Variants in ERG observed in about 807,000 individuals in gnomAD.
The protein encoded by ERG is ETS transcription factor ERG, also known as transcriptional regulator ERG.
Under a neutral mutation model 55.3 loss-of-function variants are expected in ERG, and 9 were observed. The observed-to-expected ratio is 0.16, with a 90% confidence interval of 0.10 to 0.28. ERG has a LOEUF of 0.28. Ranked by LOEUF, ERG falls within the 10% of genes least tolerant of loss-of-function variation. The pLI is 1.00. For missense variants in ERG, 434 were observed against 631.6 expected (o/e 0.69, Z 3.35); for synonymous variants, 223 against 237.3 (o/e 0.94, Z 0.55).
chr21:38,576,582 T>C (rs2836530), intron 1 of ERG, among the ~76,000 whole-genome samples: 4,629 of 152,234 alleles, frequency 0.03, 256 homozygotes, highest in African/African-American at 0.11. Flanking sequence ...TTATTCAAAT[T>C]ATAAAGCAGC....
chr21:38,423,499 A>G lies in ERG; in HGVS notation c.299T>C (p.Val100Ala), dbSNP rs1332426793. Residue 100 changes from valine (V) to alanine (A), a missense_variant, in exon 3 of 10, where the codon GTT (valine) becomes GCT (alanine). Val to Ala is a moderately conservative substitution (Grantham distance 64). Around this residue, in one of 5 missense-constraint regions of ERG, gnomAD observed 212 missense variants for 262.9 expected, o/e 0.81. Transcript: ENST00000288319. ...GGKMVGSPDT[V>A]GMNYGSYMEE... ...CATGTAGCTGCCGTAGTTCATCCCA[A>G]CGGTGTCTGGGCTGCCCACCATCTT... The G allele has an allele frequency of 6.2e-7, 1 of 1,614,002 alleles. No homozygotes were observed. The highest frequency in any genetic ancestry group is 8.5e-7 in the Non-Finnish European group (1 of 1,179,972).
chr21:38,642,574 A>G (rs1336371757), intron 1 of ERG, among the ~76,000 whole-genome samples: 3 of 152,198 alleles, frequency 2.0e-5, no homozygotes, highest in African/African-American at 7.2e-5. Flanking sequence ...CATAGGTTTC[A>G]TCTTTCCTTT....
At chr21:38,641,582 A>G (rs2060425317) in intron 1 of ERG, among the ~76,000 whole-genome samples, 1 of 152,214 alleles carries the variant, frequency 6.6e-6, no homozygotes, top group Non-Finnish European at 1.5e-5. Flanking sequence ...TTAGTAACAC[A>G]GTCATGTTAT....
At chr21:38,410,364 C>T (rs1485333684) in intron 3 of ERG, among the ~76,000 whole-genome samples, 1 of 152,210 alleles carries the variant, frequency 6.6e-6, no homozygotes, top group Non-Finnish European at 1.5e-5. Context: ...TTCTACATGT[C>T]ATGGACACCA....
At chr21:38,617,981 C>A (rs58550284) in intron 1 of ERG, among the ~76,000 whole-genome samples, 9,930 of 152,160 alleles carry the variant, frequency 0.065, 593 homozygotes, top group African/African-American at 0.16. Context: ...TGGAGCAGCA[C>A]CTGGCAGGAC....
At chr21:38,403,084 T>A (rs1388663980) in intron 4 of ERG, among the ~76,000 whole-genome samples, 1 of 152,186 alleles carries the variant, frequency 6.6e-6, no homozygotes, top group Non-Finnish European at 1.5e-5. Context: ...GGTTAGAATA[T>A]AAAGTGGGGC....
chr21:38,392,358 T>C lies in ERG; in HGVS notation c.814+18A>G, dbSNP rs373562950. ...GCCTGTGACATGAAACTCAGGGTCA[T>C]GGGAGCCAACACTGTACCTTTCGAC... is the stretch of plus-strand genomic sequence containing the variant. On this transcript the variant is annotated intron_variant, in intron 7 of 9. Coordinates refer to ENST00000288319, the MANE Select transcript of ERG (RefSeq NM_182918.4). The C allele has an allele frequency of 1.3e-5, 21 of 1,556,746 alleles. No individual in the cohort carries two copies. In the African/African-American group the frequency reaches 2.6e-4, roughly 19 times the overall value.
At position 38,560,636 on chromosome 21, in the gene ERG, C is replaced by T. The variant is rs112350052; in HGVS notation, c.-41+15026G>A. On this transcript the variant is annotated intron_variant, in intron 2 of 8. Coordinates refer to the ERG transcript ENST00000398897. ...CCTAATTCCGTCTCAACATCTGCTT[C>T]CCAGGGAACCTAACTAACACAATAC... 9.2e-4 allele frequency among the ~76,000 whole-genome samples: 140 copies of T among 152,324 alleles called. 1 individual carries two copies. In the Middle Eastern group the frequency reaches 0.01, roughly 11 times the overall value.
chr21:38,541,927 T>TAAA (rs2059755477), intron 2 of ERG, among the ~76,000 whole-genome samples: 2 of 150,652 alleles, frequency 1.3e-5, no homozygotes, highest in Non-Finnish European at 3.0e-5. Context: ...TAAATTAAAT[T>TAAA]TTTAAAAAGC....
At chr21:38,655,649 C>T (rs1209518314) in intron 1 of ERG, among the ~76,000 whole-genome samples, 1 of 152,172 alleles carries the variant, frequency 6.6e-6, no homozygotes, top group Non-Finnish European at 1.5e-5. Flanking sequence ...AGGCCAAATT[C>T]CCTTCAGGCT....
At chr21:38,406,527 T>C (rs558529100) in intron 3 of ERG, among the ~76,000 whole-genome samples, 1 of 152,314 alleles carries the variant, frequency 6.6e-6, no homozygotes, top group Admixed American at 6.5e-5. Context: ...AGAGGATAGT[T>C]TGTTCAGCCC....
rs765653796 is a variant in ERG, at chr21:38,383,973, G to C, written c.920-50C>G. ...AAACTCCAGTGAGCACAGGTTCCAG[G>C]GGAAAGAGGCTCTCTGTGATGACGG... On this transcript the variant is annotated intron_variant, in intron 9 of 9. Coordinates refer to ENST00000288319, the MANE Select transcript of ERG (RefSeq NM_182918.4). This position sits in a 1 kb window ranked among gnomAD's most constrained non-coding sequence, Gnocchi z 5.7. 13 of 1,563,790 alleles carry C rather than the reference G, an allele frequency of 8.3e-6. No individual in the cohort carries two copies. In the East Asian group the frequency reaches 2.9e-4, roughly 35 times the overall value.
intron 2 of ERG, among the ~76,000 whole-genome samples, chr21:38,434,500 C>T (rs934211022): frequency 1.3e-5 from 2 of 152,216 alleles, no homozygotes; most frequent in African/African-American, 4.8e-5. Flanking sequence ...CTTCCAATTG[C>T]ACCATTCTCT....
chr21:38,613,736 C>T (rs550828272), intron 1 of ERG, among the ~76,000 whole-genome samples: 6 of 152,196 alleles, frequency 3.9e-5, no homozygotes, highest in South Asian at 2.1e-4. Flanking sequence ...TTGCTCCATT[C>T]GTCCTCATCA....
At chr21:38,489,370 G>C (rs1280510689) in intron 1 of ERG, among the ~76,000 whole-genome samples, 1 of 152,180 alleles carries the variant, frequency 6.6e-6, no homozygotes, top group African/African-American at 2.4e-5. Flanking sequence ...GGATGCACAA[G>C]AAACAAAGAA....
chr21:38,404,185 T>TA (rs922561453), intron 3 of ERG, among the ~76,000 whole-genome samples: 1 of 152,102 alleles, frequency 6.6e-6, no homozygotes, highest in African/African-American at 2.4e-5. Flanking sequence ...ATAATAACAG[T>TA]ATTTATGCAA....
chr21:38,544,609 C>G (rs1012193254), intron 2 of ERG, among the ~76,000 whole-genome samples: 2 of 152,142 alleles, frequency 1.3e-5, no homozygotes, highest in East Asian at 3.9e-4. Context: ...TTTACATTTC[C>G]TTTCCCAGGA....
intron 2 of ERG, among the ~76,000 whole-genome samples, chr21:38,543,948 G>C (rs180749847): frequency 6.6e-6 from 1 of 152,030 alleles, no homozygotes; most frequent in African/African-American, 2.4e-5. Flanking sequence ...TGTTGGCCAG[G>C]CTGGTCGTCT....
intron 2 of ERG, among the ~76,000 whole-genome samples, chr21:38,553,801 A>AAT (rs1360300072): frequency 6.6e-6 from 1 of 151,726 alleles, no homozygotes; most frequent in Non-Finnish European, 1.5e-5. Flanking sequence ...CTCCAAAAGC[A>AAT]ATGGCAACAA....
Sources: gnomAD v4.1 joint callset for allele counts (sites outside exome capture counted in the v4.1 genomes callset) on GRCh38, gnomAD v4.1.1 for gene constraint, gnomAD v4.1.1 regional missense constraint, Gnocchi (gnomAD v3.1) non-coding constraint, MANE v1.5 for transcripts, NCBI Gene and HGNC (gene_info 2026-07-23, HGNC 2026-07-21) for gene names.